HS3ST5: variants seen among roughly 807,000 people sequenced by gnomAD.
HS3ST5 encodes the protein heparan sulfate-glucosamine 3-sulfotransferase 5.
HS3ST5 carries 10 observed loss-of-function variants against 25.4 expected under a neutral mutation model. The observed-to-expected ratio is 0.39, with a 90% confidence interval of 0.24 to 0.67. HS3ST5 has a LOEUF of 0.67. Among genes scored for constraint, HS3ST5 ranks in the 30% least tolerant of loss-of-function variants. The pLI is 0.44. For synonymous variants in HS3ST5, 170 were observed against 162.4 expected (o/e 1.05, Z -0.36); for missense variants, 324 against 420.7 (o/e 0.77, Z 2.01).
At chr6:114,303,616 A>G (rs1208309118) in intron 1 of HS3ST5, among the ~76,000 whole-genome samples, 2 of 152,124 alleles carry the variant, frequency 1.3e-5, no homozygotes, top group Non-Finnish European at 2.9e-5. Flanking sequence ...TTTTTCTTAC[A>G]GGGGTTTTCT....
chr6:114,291,486 C>A (rs529467737), intron 1 of HS3ST5, among the ~76,000 whole-genome samples: 8 of 152,232 alleles, frequency 5.3e-5, no homozygotes, highest in Admixed American at 3.3e-4. Flanking sequence ...GGGACTGAAC[C>A]TCGGGTCATC....
intron 2 of HS3ST5, among the ~76,000 whole-genome samples, chr6:114,218,506 TA>T (rs1214654566): frequency 2.0e-5 from 3 of 152,222 alleles, no homozygotes; most frequent in Non-Finnish European, 2.9e-5. Context: ...ACCTCAATGT[TA>T]AAAATTTTGC....
At chr6:114,263,812 C>T (rs1048528255) in intron 1 of HS3ST5, among the ~76,000 whole-genome samples, 1 of 152,068 alleles carries the variant, frequency 6.6e-6, no homozygotes, top group South Asian at 2.1e-4. Flanking sequence ...GATCTCTCCA[C>T]CCCATATTGT....
intron 3 of HS3ST5, among the ~76,000 whole-genome samples, chr6:114,067,199 A>G (rs924302031): frequency 6.6e-6 from 1 of 152,106 alleles, no homozygotes; most frequent in African/African-American, 2.4e-5. Flanking sequence ...TTTAGGGGAA[A>G]AATCCCAATA....
chr6:114,163,049 GA>G (rs1300815674), intron 3 of HS3ST5, among the ~76,000 whole-genome samples: 1 of 152,166 alleles, frequency 6.6e-6, no homozygotes, highest in Non-Finnish European at 1.5e-5. Context: ...CTTGTTTAAT[GA>G]ATGAATGCAA....
At chr6:114,121,845 A>G (rs1316776892) in intron 3 of HS3ST5, among the ~76,000 whole-genome samples, 1 of 152,352 alleles carries the variant, frequency 6.6e-6, no homozygotes, top group African/African-American at 2.4e-5. Flanking sequence ...ATTTTTAGCA[A>G]AAGTTAAAAA....
chr6:114,286,366 G>A (rs1774340479), intron 1 of HS3ST5, among the ~76,000 whole-genome samples: 1 of 152,010 alleles, frequency 6.6e-6, no homozygotes, highest in African/African-American at 2.4e-5. Context: ...AGTCCAGCAA[G>A]ATCAATAAGT....
intron 3 of HS3ST5, among the ~76,000 whole-genome samples, chr6:114,091,327 A>G (rs1248133116): frequency 6.6e-6 from 1 of 152,212 alleles, no homozygotes; most frequent in East Asian, 1.9e-4. Context: ...TGCCAGTCTC[A>G]TATTATTGAT....
chr6:114,248,815 G>A (rs1235449243), intron 1 of HS3ST5, among the ~76,000 whole-genome samples: 1 of 152,146 alleles, frequency 6.6e-6, no homozygotes, highest in East Asian at 1.9e-4. Flanking sequence ...TAACAAGATG[G>A]TCCTTACATT....
chr6:114,300,158 T>C (rs1445653072), intron 1 of HS3ST5, among the ~76,000 whole-genome samples: 1 of 151,870 alleles, frequency 6.6e-6, no homozygotes, highest in Admixed American at 6.6e-5. Context: ...AAAAACCGGA[T>C]TTCATCAAAA....
chr6:114,242,649 C>T (rs923439200), intron 1 of HS3ST5, among the ~76,000 whole-genome samples: 7 of 151,838 alleles, frequency 4.6e-5, no homozygotes, highest in African/African-American at 1.2e-4. Flanking sequence ...GTCAGGAGAT[C>T]GAGACCATCC....
intron 1 of HS3ST5, among the ~76,000 whole-genome samples, chr6:114,301,689 C>A (rs1775080095): frequency 6.6e-6 from 1 of 152,150 alleles, no homozygotes; most frequent in South Asian, 2.1e-4. Context: ...ATTTCAGGGA[C>A]ACTGACACTC....
intron 2 of HS3ST5, among the ~76,000 whole-genome samples, chr6:114,208,844 T>C (rs192554764): frequency 6.6e-6 from 1 of 152,298 alleles, no homozygotes; most frequent in East Asian, 1.9e-4. Flanking sequence ...GTTTTGTTCA[T>C]TGTAAATCAT....
chr6:114,306,336 T>G (rs541554860), intron 1 of HS3ST5, among the ~76,000 whole-genome samples: 3 of 148,996 alleles, frequency 2.0e-5, no homozygotes, highest in Non-Finnish European at 4.5e-5. Flanking sequence ...AGGGGACATC[T>G]TTGGTCTTCT....
chr6:114,153,217 C>T (rs1479611882), intron 3 of HS3ST5, among the ~76,000 whole-genome samples: 3 of 152,214 alleles, frequency 2.0e-5, no homozygotes, highest in Non-Finnish European at 4.4e-5. Context: ...ACAGTACCAA[C>T]AGCTGGGATA....
At position 114,320,868 on chromosome 6, in the gene HS3ST5, C is replaced by G. The variant is rs182861130; in HGVS notation, c.-339+21327G>C. On this transcript the variant is annotated intron_variant, in intron 1 of 4. Transcript: ENST00000312719. ...TTTGTTCACTCCAGTATTCTCAGCA[C>G]CTATAATGGCAGTACATAGGAAGTG... 3.5e-3 allele frequency among the ~76,000 whole-genome samples: 523 copies of G among 150,856 alleles called. 3 individuals are homozygous for G. The highest frequency in any genetic ancestry group is 5.5e-3 in the Admixed American group (84 of 15,142).
chr6:114,075,041 T>C (rs1774034765), intron 3 of HS3ST5, among the ~76,000 whole-genome samples: 1 of 152,184 alleles, frequency 6.6e-6, no homozygotes, highest in African/African-American at 2.4e-5. Context: ...TTACCAGTCA[T>C]CAACAAATAG....
At chr6:114,199,362 G>C (rs1780907997) in intron 2 of HS3ST5, among the ~76,000 whole-genome samples, 1 of 152,030 alleles carries the variant, frequency 6.6e-6, no homozygotes, top group Admixed American at 6.6e-5. Flanking sequence ...GGTCAATGTG[G>C]CTTTTTCCAG....
intron 1 of HS3ST5, among the ~76,000 whole-genome samples, chr6:114,254,337 G>C (rs1302674397): frequency 6.6e-6 from 1 of 152,250 alleles, no homozygotes. Context: ...TGGGGCTATG[G>C]AAAATAGTAT....
Sources: gnomAD v4.1 joint callset for allele counts (sites outside exome capture counted in the v4.1 genomes callset) on GRCh38, gnomAD v4.1.1 for gene constraint, MANE v1.5 for transcripts, NCBI Gene and HGNC (gene_info 2026-07-23, HGNC 2026-07-21) for gene names.